The following OLFML1 variants were observed in gnomAD, a reference collection of about 807,000 sequenced individuals.
OLFML1 encodes the protein olfactomedin like 1.
Under a neutral mutation model 37.3 loss-of-function variants are expected in OLFML1, and 33 were observed. That is an observed-to-expected ratio of 0.88 (90% CI 0.67 to 1.18). OLFML1 has a LOEUF of 1.18. OLFML1 is among the 50% of genes most tolerant of loss of function. The pLI, the probability that OLFML1 is intolerant of heterozygous loss-of-function variation, is 0.00. For missense variants in OLFML1, 545 were observed against 483.7 expected (o/e 1.13, Z -1.19); for synonymous variants, 186 against 181.3 (o/e 1.03, Z -0.21).
intron 2 of OLFML1, among the ~76,000 whole-genome samples, chr11:7,495,629 T>C (rs1332282974): frequency 1.3e-5 from 2 of 152,160 alleles, no homozygotes; most frequent in East Asian, 3.8e-4. Flanking sequence ...ACCTCATGCA[T>C]GCCTGAGTCA....
chr11:7,499,652 T>C (rs886112484), intron 2 of OLFML1, among the ~76,000 whole-genome samples: 1 of 152,172 alleles, frequency 6.6e-6, no homozygotes, highest in African/African-American at 2.4e-5. Flanking sequence ...TGACTCCAAG[T>C]GCTGGGTTTC....
chr11:7,509,365 A>G, intron 2 of OLFML1, 33 bp from the exon 3 acceptor site: 1 of 1,531,504 alleles, frequency 6.5e-7, no homozygotes, highest in Non-Finnish European at 8.8e-7. Context: ...CATGTTTATA[A>G]AGTAATCTCT....
intron 2 of OLFML1, among the ~76,000 whole-genome samples, chr11:7,499,662 C>G (rs892781300): frequency 1.3e-5 from 2 of 152,170 alleles, no homozygotes; most frequent in African/African-American, 4.8e-5. Context: ...TGCTGGGTTT[C>G]ATCTACAAAG....
At chr11:7,491,562 C>T (rs1848598504) in intron 2 of OLFML1, among the ~76,000 whole-genome samples, 1 of 152,210 alleles carries the variant, frequency 6.6e-6, no homozygotes, top group Non-Finnish European at 1.5e-5. Flanking sequence ...TAGGAGTAGA[C>T]TTTGGAATGT....
At chr11:7,491,093 ATG>A (rs1230374831) in intron 2 of OLFML1, among the ~76,000 whole-genome samples, 7 of 150,244 alleles carry the variant, frequency 4.7e-5, no homozygotes, top group Non-Finnish European at 8.9e-5. Flanking sequence ...ATTTTTATGT[ATG>A]TGTGTATATA....
intron 2 of OLFML1, among the ~76,000 whole-genome samples, chr11:7,507,134 A>G (rs1366681510): frequency 6.6e-6 from 1 of 152,244 alleles, no homozygotes; most frequent in Non-Finnish European, 1.5e-5. Flanking sequence ...CATGAATACT[A>G]AAAAGGAAGA....
intron 2 of OLFML1, among the ~76,000 whole-genome samples, chr11:7,494,153 A>C (rs1354108615): frequency 2.6e-5 from 4 of 152,254 alleles, no homozygotes. Context: ...CAAGAAAATG[A>C]AACAGCATGT....
chr11:7,497,281 G>GA (rs918388657), intron 2 of OLFML1, among the ~76,000 whole-genome samples: 15 of 151,792 alleles, frequency 9.9e-5, no homozygotes, highest in East Asian at 7.7e-4. Context: ...ATGCATCTGT[G>GA]AAAAAAAACA....
intron 2 of OLFML1, chr11:7,488,799 T>G (rs528562525): frequency 9.6e-5 from 16 of 166,546 alleles, no homozygotes; most frequent in Non-Finnish European, 1.6e-4. Context: ...CATCTGCAAA[T>G]GTACCAAGAA....
chr11:7,490,569 C>T (rs532917551), intron 2 of OLFML1, among the ~76,000 whole-genome samples: 26 of 152,298 alleles, frequency 1.7e-4, no homozygotes, highest in Non-Finnish European at 2.6e-4. Flanking sequence ...ACTGGACTTG[C>T]TTTTTCAACC....
At chr11:7,496,713 A>C (rs1481599164) in intron 2 of OLFML1, among the ~76,000 whole-genome samples, 1 of 151,782 alleles carries the variant, frequency 6.6e-6, no homozygotes, top group Non-Finnish European at 1.5e-5. Flanking sequence ...GAAAAAAAAA[A>C]CACTATGCAA....
In OLFML1 at chr11:7,488,114, T is replaced by G. The variant is rs777666881; in HGVS notation, c.130-13T>G. On this transcript the variant is annotated splice_polypyrimidine_tract_variant and intron_variant, in intron 1 of 2. Transcript: ENST00000329293. Reference sequence around the variant, plus strand: ...AACAAGCAATAATTTGCAAATTTATTTTCTGACTGAAGCAAGGGCTGGAAA... The same window carrying G: ...AACAAGCAATAATTTGCAAATTTATGTTCTGACTGAAGCAAGGGCTGGAAA... 1 of 1,585,878 alleles carries G rather than the reference T, an allele frequency of 6.3e-7. No homozygotes were observed. The highest frequency in any genetic ancestry group is 8.6e-7 in the Non-Finnish European group (1 of 1,163,208).
At chr11:7,487,443 A>C (rs11041414) in intron 1 of OLFML1, among the ~76,000 whole-genome samples, 32,448 of 152,202 alleles carry the variant, frequency 0.21, 3,798 homozygotes, top group Non-Finnish European at 0.25. Context: ...TTGTGGATAG[A>C]ATTTTGATAA....
intron 2 of OLFML1, among the ~76,000 whole-genome samples, chr11:7,508,227 G>A (rs1423252626): frequency 2.6e-5 from 4 of 152,224 alleles, no homozygotes; most frequent in Non-Finnish European, 5.9e-5. Flanking sequence ...TATCTCAGGG[G>A]TGGCAGAGGC....
chr11:7,505,787 T>G lies in OLFML1; in HGVS notation c.419-3611T>G, dbSNP rs541717447. On this transcript the variant is annotated intron_variant, in intron 2 of 2. Coordinates refer to ENST00000329293, the MANE Select transcript of OLFML1 (RefSeq NM_198474.4). ...TTGAGGCTACAGTGAGCCACGATCA[T>G]GCCACTGCACTCTAGCCTGTCTAAT... 1.1e-4 allele frequency among the ~76,000 whole-genome samples: 17 copies of G among 152,282 alleles called. No individual in the cohort carries two copies. The South Asian group carries it at 3.3e-3, about 30-fold the overall frequency.
In OLFML1 at chr11:7,509,462, T is replaced by C. The variant is rs748137802; in HGVS notation, c.483T>C (p.His161=). 2 of 1,614,060 alleles carry C rather than the reference T, an allele frequency of 1.2e-6. No homozygotes were observed. The highest frequency in any genetic ancestry group is 1.7e-6 in the Non-Finnish European group (2 of 1,179,948). ...LKIVKKMMDT[H]GSWMKDAVYN... ...TAGTGAAGAAGATGATGGACACACATGGCTCTTGGATGAAAGATGCTGTCT... is the reference window on the plus strand; with the variant it reads ...TAGTGAAGAAGATGATGGACACACACGGCTCTTGGATGAAAGATGCTGTCT... Residue 161 remains histidine, a synonymous_variant, in exon 3 of 3, where the codon CAT becomes CAC. Transcript: ENST00000329293.
chr11:7,486,979 C>T (rs1205655647), intron 1 of OLFML1, among the ~76,000 whole-genome samples: 1 of 152,214 alleles, frequency 6.6e-6, no homozygotes, highest in Non-Finnish European at 1.5e-5. Flanking sequence ...TCTTCACTTG[C>T]TCCCTCCTGA....
intron 2 of OLFML1, among the ~76,000 whole-genome samples, chr11:7,495,139 T>C (rs571350370): frequency 5.9e-4 from 90 of 152,140 alleles, no homozygotes; most frequent in Admixed American, 1.9e-3. Flanking sequence ...CTCTCAAGTG[T>C]ACTCTTTCCA....
intron 2 of OLFML1, among the ~76,000 whole-genome samples, chr11:7,500,285 G>C (rs1848704844): frequency 6.6e-6 from 1 of 152,228 alleles, no homozygotes; most frequent in Non-Finnish European, 1.5e-5. Flanking sequence ...TGGGCTGCAA[G>C]CCTGCTGGCT....
Sources: allele counts gnomAD v4.1 joint callset (sites outside exome capture counted in the v4.1 genomes callset), GRCh38; gene constraint gnomAD v4.1.1; transcripts MANE v1.5; gene names NCBI Gene and HGNC (gene_info 2026-07-23, HGNC 2026-07-21).